Variants in LDLRAD1 observed in about 807,000 individuals in gnomAD.
LDLRAD1 encodes the protein low density lipoprotein receptor class A domain containing 1, also known as low-density lipoprotein receptor class A domain-containing protein 1.
In LDLRAD1, 17 loss-of-function variants were observed where a neutral mutation model predicts 24.8. The ratio of observed to expected loss-of-function variants is 0.69; its 90% CI spans 0.47 to 1.03. The LOEUF (loss-of-function observed/expected upper bound fraction) is 1.03, where lower values mean the gene tolerates loss of function less well. LDLRAD1 is among the 50% of genes least tolerant of loss of function. LDLRAD1 has a pLI of 0.00. For missense variants in LDLRAD1, 277 were observed against 271.0 expected (o/e 1.02, Z -0.16); for synonymous variants, 103 against 108.2 (o/e 0.95, Z 0.30).
intron 3 of LDLRAD1, among the ~76,000 whole-genome samples, chr1:54,013,323 T>A (rs2100255511): frequency 6.6e-6 from 1 of 152,166 alleles, no homozygotes; most frequent in South Asian, 2.1e-4. Context: ...CACCTCAGGG[T>A]CTGTGTTCCT....
chr1:54,014,660 G>T (rs1656222806), intron 2 of LDLRAD1, among the ~76,000 whole-genome samples: 1 of 152,238 alleles, frequency 6.6e-6, no homozygotes, highest in South Asian at 2.1e-4. Context: ...AGGACGCAGG[G>T]AGAGATGGAC....
At chr1:54,018,008 T>A in intron 1 of LDLRAD1, 84 bp downstream of exon 1, 2 of 1,252,652 alleles carry the variant, frequency 1.6e-6, no homozygotes, top group Non-Finnish European at 2.4e-6. Flanking sequence ...AACTCTTACC[T>A]GGGGACAGCT....
chr1:54,015,211 C>T (rs1004953431), intron 2 of LDLRAD1, among the ~76,000 whole-genome samples: 1 of 151,952 alleles, frequency 6.6e-6, no homozygotes, highest in Non-Finnish European at 1.5e-5. Flanking sequence ...CTCAAGCAGT[C>T]CTCCTGCCTC....
chr1:54,009,217 C>G (rs757420251), intron 5 of LDLRAD1, 87 bp from the exon 6 acceptor site: 10 of 1,298,738 alleles, frequency 7.7e-6, no homozygotes, highest in Non-Finnish European at 1.1e-5. Context: ...TGAAACCTGC[C>G]GTAGCTCCCC....
In LDLRAD1 at chr1:54,008,947, C is replaced by G; in HGVS notation, c.*35G>C. ...CATGTGAAGGGTTATCAGTGCCATT[C>G]CAGCCAGCCTTCCATGCTGGCCTGA... is the stretch of plus-strand genomic sequence containing the variant. On this transcript the variant is annotated 3_prime_UTR_variant, in exon 6 of 6. Transcript: ENST00000371360. 1.3e-6 allele frequency: 2 copies of G among 1,588,358 alleles called. No homozygotes were observed. Among genetic ancestry groups the G allele is most frequent in the South Asian group, 1.1e-5 (1 of 88,534 alleles).
At chr1:54,014,473 G>A in intron 2 of LDLRAD1, 109 bp from the exon 3 acceptor site, 2 of 1,093,582 alleles carry the variant, frequency 1.8e-6, no homozygotes, top group Non-Finnish European at 2.6e-6. Flanking sequence ...TCCCCCACGA[G>A]GGTGAGCAGA....
At chr1:54,014,177 C>T (rs1192979114) in intron 3 of LDLRAD1, 59 bp downstream of exon 3, 7 of 1,547,442 alleles carry the variant, frequency 4.5e-6, no homozygotes, top group Non-Finnish European at 6.1e-6. Flanking sequence ...CCTCATCTCT[C>T]TGTGCCCTCC....
intron 1 of LDLRAD1, among the ~76,000 whole-genome samples, chr1:54,017,634 A>G (rs1265648405): frequency 6.6e-6 from 1 of 152,136 alleles, no homozygotes; most frequent in African/African-American, 2.4e-5. Context: ...CTGCCTGGAA[A>G]GCCTTTTTCT....
Position 54,018,107 on chromosome 1 carries a change from G to T in LDLRAD1, c.6C>A (p.Asn2Lys). The change falls in exon 1 of 6, where the codon AAC (asparagine) becomes AAA (lysine). Residue 2 changes from asparagine (N) to lysine (K), a missense_variant. By Grantham distance (94) the Asn-to-Lys change is moderately conservative. Coordinates refer to ENST00000371360, the MANE Select transcript of LDLRAD1 (RefSeq NM_001010978.4). ...CAGCTCTCACCTGGGGGAAGACCTTGTTCATGTCTTCGGTTTCCTGCTGCC... is the reference window on the plus strand; with the variant it reads ...CAGCTCTCACCTGGGGGAAGACCTTTTTCATGTCTTCGGTTTCCTGCTGCC... Reference protein sequence around the residue: MNKVFPQGENGY... With the variant: MKKVFPQGENGY... The T allele has an allele frequency of 6.2e-7, 1 of 1,613,612 alleles. No homozygotes were observed. The highest frequency in any genetic ancestry group is 8.5e-7 in the Non-Finnish European group (1 of 1,179,644).
intron 2 of LDLRAD1, among the ~76,000 whole-genome samples, chr1:54,015,160 C>T (rs114777860): frequency 0.012 from 1,880 of 152,174 alleles, 38 homozygotes; most frequent in African/African-American, 0.043. Flanking sequence ...GGCTGCAGTG[C>T]AATGGTGCAA....
intron 2 of LDLRAD1, among the ~76,000 whole-genome samples, chr1:54,015,470 C>T (rs1452411054): frequency 6.6e-6 from 1 of 152,040 alleles, no homozygotes; most frequent in Non-Finnish European, 1.5e-5. Flanking sequence ...TGGTCCTTGC[C>T]CTCTGCAGCT....
chr1:54,012,034 G>T (rs1460653511), intron 4 of LDLRAD1, 109 bp downstream of exon 4: 3 of 1,320,798 alleles, frequency 2.3e-6, no homozygotes, highest in East Asian at 4.7e-5. Context: ...AGGCACTGGA[G>T]CATCAAAGCC....
intron 5 of LDLRAD1, among the ~76,000 whole-genome samples, chr1:54,009,536 C>A (rs933413475): frequency 4.6e-5 from 7 of 152,188 alleles, no homozygotes; most frequent in African/African-American, 1.7e-4. Context: ...CCCACACACC[C>A]AGCCTCTACC....
chr1:54,017,106 G>A (rs953569977), intron 2 of LDLRAD1, among the ~76,000 whole-genome samples: 2 of 152,216 alleles, frequency 1.3e-5, no homozygotes, highest in Admixed American at 1.3e-4. Context: ...CTGTGTTACA[G>A]GTGGGCACTG....
Position 54,008,906 on chromosome 1 carries a change from G to A in LDLRAD1, c.*76C>T, listed in dbSNP as rs1308234972. ...CAAAGGCTGCTTCCTGCCCTTGTGC[G>A]CTAGGATTTGATTTTCATGTGAAGG... On this transcript the variant is annotated 3_prime_UTR_variant, in exon 6 of 6. Transcript: ENST00000371360. 23 of 1,388,296 alleles carry A rather than the reference G, an allele frequency of 1.7e-5. No homozygotes were observed. The highest frequency in any genetic ancestry group is 1.0e-4 in the African/African-American group (7 of 69,612). The allele number at this position is 1,388,296 out of a possible 1,614,324, so 86.0% of individuals were successfully genotyped here.
intron 2 of LDLRAD1, among the ~76,000 whole-genome samples, chr1:54,017,015 G>T (rs1013902725): frequency 6.6e-6 from 1 of 152,224 alleles, no homozygotes; most frequent in Non-Finnish European, 1.5e-5. Context: ...CTAAATAAAT[G>T]TGTCACTTTA....
intron 5 of LDLRAD1, 111 bp from the exon 6 acceptor site, chr1:54,009,241 A>G (rs932540861): frequency 3.1e-6 from 3 of 974,918 alleles, no homozygotes; most frequent in Non-Finnish European, 4.8e-6. Context: ...GCCCCAACCC[A>G]TCTGACGTGA....
chr1:54,010,191 A>G (rs1655985307), intron 5 of LDLRAD1, 91 bp downstream of exon 5: 2 of 1,460,250 alleles, frequency 1.4e-6, no homozygotes, highest in Non-Finnish European at 1.9e-6. Flanking sequence ...GAAGCATGCA[A>G]GGGGGAGCCC....
intron 2 of LDLRAD1, among the ~76,000 whole-genome samples, chr1:54,014,654 C>T (rs564122739): frequency 1.4e-3 from 209 of 151,874 alleles, no homozygotes; most frequent in Admixed American, 1.8e-3. Flanking sequence ...TTCCTCAGGA[C>T]GCAGGGAGAG....
Sources: gnomAD v4.1 joint callset for allele counts (sites outside exome capture counted in the v4.1 genomes callset) on GRCh38, gnomAD v4.1.1 for gene constraint, MANE v1.5 for transcripts, NCBI Gene and HGNC (gene_info 2026-07-23, HGNC 2026-07-21) for gene names.